The following ZNF746 variants were observed in gnomAD, a reference collection of about 807,000 sequenced individuals.
ZNF746 encodes parkin-interacting substrate.
In ZNF746, 13 loss-of-function variants were observed where a neutral mutation model predicts 41.0. That is an observed-to-expected ratio of 0.32 (90% CI 0.21 to 0.50). ZNF746 has a LOEUF of 0.50. ZNF746 is among the 20% of genes least tolerant of loss of function. The pLI is 0.98. For synonymous variants in ZNF746, 424 were observed against 396.2 expected, an observed-to-expected ratio of 1.07 and a Z score of -0.83; for missense variants, 811 against 922.9, an observed-to-expected ratio of 0.88 and a Z score of 1.57.
Position 149,497,382 on chromosome 7 carries a change from C to G in ZNF746, c.24+131G>C. 1 of 999,228 alleles carries G rather than the reference C, an allele frequency of 1.0e-6. No homozygotes were observed. The highest frequency in any genetic ancestry group is 1.7e-5 in the African/African-American group (1 of 57,536). The allele number at this position is 999,228 out of a possible 1,614,324, so 61.9% of individuals were successfully genotyped here. On this transcript the variant is annotated intron_variant, in intron 1 of 6. Coordinates refer to ENST00000458143, the MANE Select transcript of ZNF746 (RefSeq NM_001394198.1). The surrounding 1 kb of genome is among the most constrained non-coding windows in gnomAD (Gnocchi z 4.2). ...CCCGGCGGACCCCGCGCCCCATTCG[C>G]GGGAGCCCCAGGCCCGGTGGTCCGG...
At position 149,477,167 on chromosome 7, in the gene ZNF746, G is replaced by A. The variant is rs1387905949; in HGVS notation, c.758-120C>T. 3 of 1,278,740 alleles carry A rather than the reference G, an allele frequency of 2.3e-6. No individual in the cohort carries two copies. In the African/African-American group the frequency reaches 4.5e-5, roughly 19 times the overall value. 79.2% of individuals were successfully genotyped at this position (1,278,740 alleles called of 1,614,324 possible). On this transcript the variant is annotated intron_variant, in intron 5 of 6. Transcript: ENST00000458143. ...CCCCACTGGGGGCTTTTCTGAGTGG[G>A]CACGAGGACCCAACCTCTCTGAACC... is the stretch of plus-strand genomic sequence containing the variant.
In ZNF746 at chr7:149,477,743, G is replaced by C; in HGVS notation, c.578C>G (p.Pro193Arg). ...PVDPSPGSGP[P>R]VPAPDLLMQI... is the part of the protein sequence containing the mutation. ...CATCAAGAGGTCTGGGGCGGGAACTGGGGGCCCCGAGCCTAGGAAAGGGAG... is the reference window on the plus strand; with the variant it reads ...CATCAAGAGGTCTGGGGCGGGAACTCGGGGCCCCGAGCCTAGGAAAGGGAG... The change falls in exon 5 of 7, where the codon CCA (proline) becomes CGA (arginine). Residue 193 changes from proline (P) to arginine (R), a missense_variant. Transcript: ENST00000458143. 1 of 1,604,718 alleles carries C rather than the reference G, an allele frequency of 6.2e-7. No homozygotes were observed. Among genetic ancestry groups the C allele is most frequent in the Non-Finnish European group, 8.5e-7 (1 of 1,173,634 alleles).
rs546289599 is a variant in ZNF746 at position 149,480,260 on chromosome 7, T to C, written c.566-2505A>G. Among the ~76,000 whole-genome samples, 4 of 152,322 alleles carry C rather than the reference T, an allele frequency of 2.6e-5. No homozygotes were observed. The South Asian group carries it at 6.2e-4, about 24-fold the overall frequency. ...TGAACTGGAGAATATGACCAATGAC[T>C]TTGGATATTAAAATTATCATATAAG... On this transcript the variant is annotated intron_variant, in intron 4 of 6. Transcript: ENST00000458143.
chr7:149,490,235 C>G (rs1019968728), intron 4 of ZNF746: 2 of 152,364 alleles, frequency 1.3e-5, no homozygotes, highest in African/African-American at 4.8e-5. Flanking sequence ...CAGCTGTGCA[C>G]CATACAGAAA....
Position 149,475,111 on chromosome 7 carries a change from G to A in ZNF746, c.1256C>T (p.Ser419Phe). The change falls in exon 7 of 7, where the codon TCC becomes TTC. Residue 419 changes from serine (S) to phenylalanine (F), a missense_variant. Transcript: ENST00000458143. ...GATGGCCTCTCCGTTGTCCGGGGAG[G>A]AGTAAGGAAGCCCCTCGGGCCCCGT... is the stretch of plus-strand genomic sequence containing the variant. ...PRTGPEGLPY[S>F]SPDNGEAILD... 1 of 1,610,632 alleles carries A rather than the reference G, an allele frequency of 6.2e-7. No homozygotes were observed. The highest frequency in any genetic ancestry group is 8.5e-7 in the Non-Finnish European group (1 of 1,179,168).
rs1293179159 is a variant in ZNF746 at position 149,497,283 on chromosome 7, G to A, written c.24+230C>T. ...CAAAGAACTTGGCGTGGGGCGGCCC[G>A]GGGCGGGGACAACCGTTCCGCCAGC... On this transcript the variant is annotated intron_variant, in intron 1 of 6. Coordinates refer to ENST00000458143, the MANE Select transcript of ZNF746 (RefSeq NM_001394198.1). The surrounding 1 kb of genome is among the most constrained non-coding windows in gnomAD (Gnocchi z 4.2). 7 of 985,114 alleles carry A rather than the reference G, an allele frequency of 7.1e-6. No individual in the cohort carries two copies. The highest frequency in any genetic ancestry group is 8.4e-6 in the Non-Finnish European group (7 of 829,836). The allele number at this position is 985,114 out of a possible 1,614,324, so 61.0% of individuals were successfully genotyped here.
chr7:149,496,184 C>G (rs1421948725), intron 1 of ZNF746, among the ~76,000 whole-genome samples: 1 of 152,212 alleles, frequency 6.6e-6, no homozygotes, highest in Non-Finnish European at 1.5e-5. Flanking sequence ...CTCTGCTAAA[C>G]TACTTTATTA....
chr7:149,486,307 G>T (rs1800620050), intron 4 of ZNF746, among the ~76,000 whole-genome samples: 1 of 151,610 alleles, frequency 6.6e-6, no homozygotes, highest in Admixed American at 6.6e-5. Flanking sequence ...ACATCACCTG[G>T]AAAAATTTGA....
In ZNF746 at chr7:149,494,496, G is replaced by A. The variant is rs749652098; in HGVS notation, c.32C>T (p.Pro11Leu). ...CTGAATCGTGGCTGCCATCGTCCAC[G>A]GAGAAATCTTTCAGAAACAAAAGAG... MAEAVAAPIS[P>L]WTMAATIQAM... The change falls in exon 2 of 7, where the codon CCG becomes CTG. Residue 11 changes from proline to leucine, a missense_variant. Pro to Leu is a moderately conservative substitution (Grantham distance 98). Transcript: ENST00000458143. The surrounding 1 kb of genome is among the most constrained non-coding windows in gnomAD (Gnocchi z 5.6). 27 of 1,613,082 alleles carry A rather than the reference G, an allele frequency of 1.7e-5. No homozygotes were observed. The highest frequency in any genetic ancestry group is 1.7e-4 in the Middle Eastern group (1 of 6,054).
intron 4 of ZNF746, 200 bp from the exon 5 acceptor site, chr7:149,477,955 G>A: frequency 2.1e-6 from 1 of 465,252 alleles, no homozygotes; most frequent in Middle Eastern, 5.6e-4. Flanking sequence ...AATGCGGGTA[G>A]GGTAGGAAAG....
chr7:149,493,771 G>A (rs1157371699), intron 3 of ZNF746, among the ~76,000 whole-genome samples: 1 of 152,182 alleles, frequency 6.6e-6, no homozygotes, highest in Admixed American at 6.5e-5. Flanking sequence ...AGAAGCCACC[G>A]CCGTTCCCAG....
At chr7:149,485,689 G>C (rs1329360246) in intron 4 of ZNF746, among the ~76,000 whole-genome samples, 1 of 152,142 alleles carries the variant, frequency 6.6e-6, no homozygotes, top group African/African-American at 2.4e-5. Context: ...ACCACAAATG[G>C]AGAAGATAAC....
In ZNF746 at chr7:149,474,065, A is replaced by G; in HGVS notation, c.*319T>C. 2.7e-6 allele frequency: 1 copy of G among 370,512 alleles called. No individual in the cohort carries two copies. The highest frequency in any genetic ancestry group is 5.0e-6 in the Non-Finnish European group (1 of 199,088). 23.0% of individuals were successfully genotyped at this position (370,512 alleles called of 1,614,324 possible). A position where few individuals can be genotyped will look rare whatever the true frequency, so the allele number is the denominator to read the frequency against. The stretch of plus-strand genomic sequence containing the variant: ...GCCCTGAAAACCAAAAGTACCTACA[A>G]AATTTAAATAGCCCTATTACTATTT... On this transcript the variant is annotated 3_prime_UTR_variant, in exon 7 of 7. Transcript: ENST00000458143. The surrounding 1 kb of genome is among the most constrained non-coding windows in gnomAD (Gnocchi z 6.3).
chr7:149,493,033 C>T, intron 3 of ZNF746, 61 bp from the exon 4 acceptor site: 1 of 1,113,316 alleles, frequency 9.0e-7, no homozygotes, highest in Admixed American at 1.9e-5. Flanking sequence ...GACAGTCATC[C>T]CGGAAAACCA....
In ZNF746 at chr7:149,477,333, T is replaced by C. The variant is rs143648161; in HGVS notation, c.757+231A>G. 3.5e-3 allele frequency among the ~76,000 whole-genome samples: 536 copies of C among 152,162 alleles called. 1 individual carries two copies. Among genetic ancestry groups the C allele is most frequent in the Middle Eastern group, 0.017 (5 of 294 alleles). ...CAAGAGAAGCGGCCTCACGGTGATATAGGGGCCACTGGAACAGGGCCAGAG... is the reference window on the plus strand; with the variant it reads ...CAAGAGAAGCGGCCTCACGGTGATACAGGGGCCACTGGAACAGGGCCAGAG... On this transcript the variant is annotated intron_variant, in intron 5 of 6. Transcript: ENST00000458143.
chr7:149,474,983 C>A lies in ZNF746; in HGVS notation c.1384G>T (p.Ala462Ser). The part of the protein sequence containing the change: ...HKPGLKKHPA[A>S]PPGGRPFTCA... ...GTGAAGGGCCGGCCCCCGGGGGGCG[C>A]CGCGGGGTGCTTCTTCAGCCCTGGC... The change falls in exon 7 of 7, where the codon GCG becomes TCG. Residue 462 changes from alanine to serine, a missense_variant. This residue lies in a region of ZNF746 where 495 missense variants were observed against 481.6 expected (regional missense o/e 1.03). Coordinates refer to ENST00000458143, the MANE Select transcript of ZNF746 (RefSeq NM_001394198.1). This position sits in a 1 kb window ranked among gnomAD's most constrained non-coding sequence, Gnocchi z 6.3. 6.5e-7 allele frequency: 1 copy of A among 1,548,012 alleles called. No homozygotes were observed. Among genetic ancestry groups the A allele is most frequent in the Non-Finnish European group, 8.7e-7 (1 of 1,146,378 alleles).
intron 4 of ZNF746, among the ~76,000 whole-genome samples, chr7:149,486,320 A>G (rs1238911798): frequency 6.6e-6 from 1 of 152,024 alleles, no homozygotes; most frequent in Non-Finnish European, 1.5e-5. Context: ...AAATTTGAAT[A>G]CATGTCTTTT....
chr7:149,487,194 C>G (rs1800654860), intron 4 of ZNF746, among the ~76,000 whole-genome samples: 1 of 152,154 alleles, frequency 6.6e-6, no homozygotes, highest in Non-Finnish European at 1.5e-5. Flanking sequence ...CTCCCGGTCC[C>G]CCATTGGTGG....
chr7:149,475,220 T>C lies in ZNF746; in HGVS notation c.1147A>G (p.Thr383Ala), dbSNP rs1585718774. 2 of 1,611,996 alleles carry C rather than the reference T, an allele frequency of 1.2e-6. No individual in the cohort carries two copies. The highest frequency in any genetic ancestry group is 4.5e-5 in the East Asian group (2 of 44,762). The change falls in exon 7 of 7, where the codon ACC becomes GCC. Residue 383 changes from threonine (T) to alanine (A), a missense_variant. Around this residue, in one of 4 missense-constraint regions of ZNF746, gnomAD observed 495 missense variants for 481.6 expected, o/e 1.03. Transcript: ENST00000458143. The stretch of plus-strand genomic sequence containing the variant: ...CCGAAGAGCCAGTCCCCAGGAGGGG[T>C]CTCCTCCTGGGCCACAGCAGGACTG... ...ELSPAVAQEETPPGDWLFGGV... is the reference protein window; with the variant it reads ...ELSPAVAQEEAPPGDWLFGGV...
Sources: gnomAD v4.1 joint callset for allele counts (sites outside exome capture counted in the v4.1 genomes callset) on GRCh38, gnomAD v4.1.1 for gene constraint, gnomAD v4.1.1 regional missense constraint, Gnocchi (gnomAD v3.1) non-coding constraint, MANE v1.5 for transcripts, NCBI Gene and HGNC (gene_info 2026-07-23, HGNC 2026-07-21) for gene names.